The following PCED1B variants were observed in gnomAD, a reference collection of about 807,000 sequenced individuals.
The protein encoded by PCED1B is PC-esterase domain containing 1B.
For synonymous variants in PCED1B, 251 were observed against 246.1 expected (o/e 1.02, Z -0.19); for missense variants, 573 against 573.9 (o/e 1.00, Z 0.02).
chr12:47,110,132 A>G (rs1347879779), intron 2 of PCED1B, among the ~76,000 whole-genome samples: 1 of 152,076 alleles, frequency 6.6e-6, no homozygotes, highest in African/African-American at 2.4e-5. Context: ...CTCTCCTCCT[A>G]TGGGGATCAT....
At chr12:47,204,330 A>G (rs902224970) in intron 2 of PCED1B, among the ~76,000 whole-genome samples, 2 of 152,172 alleles carry the variant, frequency 1.3e-5, no homozygotes, top group Non-Finnish European at 2.9e-5. Flanking sequence ...TTGAATCTAT[A>G]AATTGCTTTG....
intron 2 of PCED1B, among the ~76,000 whole-genome samples, chr12:47,191,913 A>C (rs1203656253): frequency 1.3e-5 from 2 of 151,246 alleles, no homozygotes; most frequent in African/African-American, 2.4e-5. Flanking sequence ...CTCAGACATC[A>C]TTTTCTTTAG....
chr12:47,190,676 T>G (rs1942414313), intron 2 of PCED1B, among the ~76,000 whole-genome samples: 1 of 152,250 alleles, frequency 6.6e-6, no homozygotes, highest in Non-Finnish European at 1.5e-5. Context: ...TGGCACTCTG[T>G]GCTCTCTGCA....
intron 1 of PCED1B, among the ~76,000 whole-genome samples, chr12:47,098,762 G>A (rs2137207238): frequency 6.6e-6 from 1 of 152,324 alleles, no homozygotes; most frequent in African/African-American, 2.4e-5. Context: ...GATTACAGGC[G>A]TGAGCCACCG....
At chr12:47,141,005 T>A (rs145749391) in intron 2 of PCED1B, among the ~76,000 whole-genome samples, 147 of 152,288 alleles carry the variant, frequency 9.7e-4, no homozygotes, top group African/African-American at 3.4e-3. Flanking sequence ...TGTTTCATAC[T>A]TAAGAGACTG....
chr12:47,186,660 C>G (rs1054206907), intron 2 of PCED1B, among the ~76,000 whole-genome samples: 11 of 152,056 alleles, frequency 7.2e-5, no homozygotes, highest in Non-Finnish European at 1.6e-4. Context: ...GCATCAGAAG[C>G]CAGGAAGAGA....
At chr12:47,146,735 T>G (rs1592200570) in intron 2 of PCED1B, among the ~76,000 whole-genome samples, 1 of 152,356 alleles carries the variant, frequency 6.6e-6, no homozygotes, top group East Asian at 1.9e-4. Context: ...TAAACATAAC[T>G]TTTGCATGTG....
intron 2 of PCED1B, among the ~76,000 whole-genome samples, chr12:47,125,738 T>TC (rs1340505255): frequency 1.3e-5 from 2 of 152,112 alleles, no homozygotes; most frequent in Admixed American, 1.3e-4. Context: ...TCAGATTCGT[T>TC]CCTAAGTATT....
At chr12:47,151,894 A>G (rs1941006259) in intron 2 of PCED1B, among the ~76,000 whole-genome samples, 1 of 152,214 alleles carries the variant, frequency 6.6e-6, no homozygotes, top group African/African-American at 2.4e-5. Flanking sequence ...TTACAGACAC[A>G]CCGGAAGTAA....
intron 1 of PCED1B, among the ~76,000 whole-genome samples, chr12:47,102,967 C>G (rs571225947): frequency 6.6e-6 from 1 of 152,022 alleles, no homozygotes; most frequent in African/African-American, 2.4e-5. Context: ...TTTTTAAAAC[C>G]CCAATAACGT....
At chr12:47,217,478 A>AAGAG (rs764680746) in intron 3 of PCED1B, among the ~76,000 whole-genome samples, 1 of 112,152 alleles carries the variant, frequency 8.9e-6, no homozygotes, top group African/African-American at 3.8e-5. Context: ...AAGAGAAAGA[A>AAGAG]AGAAAGAAAG....
chr12:47,176,448 C>T (rs1006188696), intron 2 of PCED1B, among the ~76,000 whole-genome samples: 3 of 152,186 alleles, frequency 2.0e-5, no homozygotes, highest in African/African-American at 7.2e-5. Flanking sequence ...ACTTCAGACC[C>T]ATTCCCCATC....
At chr12:47,106,763 C>T (rs535431869) in intron 2 of PCED1B, among the ~76,000 whole-genome samples, 2 of 152,170 alleles carry the variant, frequency 1.3e-5, no homozygotes, top group Non-Finnish European at 2.9e-5. Context: ...CCTGTTAGAG[C>T]ATGTTCTTTT....
At chr12:47,202,567 T>C (rs1942793136) in intron 2 of PCED1B, among the ~76,000 whole-genome samples, 1 of 136,172 alleles carries the variant, frequency 7.3e-6, no homozygotes, top group Admixed American at 8.2e-5. Flanking sequence ...TTTGCCTGAA[T>C]TTGACTCCTT....
rs1213535465 is a variant in PCED1B, at chr12:47,219,019, T to C, written c.-58+2330T>C. Among the ~76,000 whole-genome samples, 4 of 152,222 alleles carry C rather than the reference T, an allele frequency of 2.6e-5. No homozygotes were observed. The East Asian group carries it at 7.8e-4, about 30-fold the overall frequency. Reference sequence around the variant, plus strand: ...ATCTGGGCATGGTGGCAAATGCCTGTGATCCCAGCTATTCCGGAGACTGAG... The same window carrying C: ...ATCTGGGCATGGTGGCAAATGCCTGCGATCCCAGCTATTCCGGAGACTGAG... On this transcript the variant is annotated intron_variant, in intron 3 of 3. Transcript: ENST00000546455.
In PCED1B at chr12:47,235,896, C is replaced by G. The variant is rs759303227; in HGVS notation, c.833C>G (p.Pro278Arg). The change falls in exon 4 of 4, where the codon CCG becomes CGG. Residue 278 changes from proline (P) to arginine (R), a missense_variant. By Grantham distance (103) the Pro-to-Arg change is moderately radical. Transcript: ENST00000546455. ...AAACCTGGCCCGAGAGTCGAAGGGCCGCCCCAGGCCAACAGAAATCACCCG... is the reference window on the plus strand; with the variant it reads ...AAACCTGGCCCGAGAGTCGAAGGGCGGCCCCAGGCCAACAGAAATCACCCG... Reference protein sequence around the residue: ...KKKPGPRVEGPPQANRNHPAL... With the variant: ...KKKPGPRVEGRPQANRNHPAL... 6.3e-7 allele frequency: 1 copy of G among 1,598,888 alleles called. No homozygotes were observed. Among genetic ancestry groups the G allele is most frequent in the South Asian group, 1.1e-5 (1 of 89,688 alleles).
chr12:47,228,596 G>A (rs1353842035), intron 3 of PCED1B, among the ~76,000 whole-genome samples: 3 of 152,140 alleles, frequency 2.0e-5, no homozygotes, highest in African/African-American at 7.2e-5. Flanking sequence ...AGGGCCAGGT[G>A]CAGTGGCTCA....
intron 2 of PCED1B, among the ~76,000 whole-genome samples, chr12:47,169,684 T>A (rs1941657116): frequency 6.6e-6 from 1 of 152,130 alleles, no homozygotes; most frequent in South Asian, 2.1e-4. Flanking sequence ...TACTAGTATA[T>A]CTTTTACCTA....
chr12:47,128,552 T>A (rs1199880738), intron 2 of PCED1B, among the ~76,000 whole-genome samples: 1 of 152,202 alleles, frequency 6.6e-6, no homozygotes, highest in African/African-American at 2.4e-5. Flanking sequence ...TGAAGTAAAA[T>A]GGTAAACAGA....
Sources: gnomAD v4.1 joint callset for allele counts (sites outside exome capture counted in the v4.1 genomes callset) on GRCh38, gnomAD v4.1.1 for gene constraint, MANE v1.5 for transcripts, NCBI Gene and HGNC (gene_info 2026-07-23, HGNC 2026-07-21) for gene names.